Variants in RBFOX1 observed in about 807,000 individuals in gnomAD.
RBFOX1 encodes the protein RNA binding fox-1 homolog 1, also known as RNA binding protein fox-1 homolog 1.
In RBFOX1, 8 loss-of-function variants were observed where a neutral mutation model predicts 57.7. The ratio of observed to expected loss-of-function variants is 0.14; its 90% CI spans 0.08 to 0.25. The LOEUF (loss-of-function observed/expected upper bound fraction) is 0.25. Ranked by LOEUF, RBFOX1 falls within the 10% of genes least tolerant of loss-of-function variation. The pLI is 1.00. For missense variants in RBFOX1, 611 were observed against 548.5 expected, an observed-to-expected ratio of 1.11 and a Z score of -1.14; for synonymous variants, 326 against 222.4, an observed-to-expected ratio of 1.47 and a Z score of -4.15.
intron 3 of RBFOX1, among the ~76,000 whole-genome samples, chr16:6,817,016 G>C (rs1015989964): frequency 6.6e-6 from 1 of 152,108 alleles, no homozygotes; most frequent in Non-Finnish European, 1.5e-5. Flanking sequence ...CCAAAGTGCT[G>C]AGATGGCAGG....
chr16:6,532,833 A>G (rs1212951574), intron 2 of RBFOX1, among the ~76,000 whole-genome samples: 2 of 152,156 alleles, frequency 1.3e-5, no homozygotes, highest in Non-Finnish European at 2.9e-5. Context: ...GGAATGTGAG[A>G]AGGCAAAGAT....
intron 2 of RBFOX1, among the ~76,000 whole-genome samples, chr16:6,570,534 A>G (rs899414034): frequency 2.0e-5 from 3 of 152,222 alleles, no homozygotes; most frequent in Admixed American, 6.5e-5. Context: ...CATATAAAAT[A>G]TAATTTATAC....
At chr16:6,636,987 TC>T (rs2098442087) in intron 2 of RBFOX1, among the ~76,000 whole-genome samples, 1 of 126,552 alleles carries the variant, frequency 7.9e-6, no homozygotes, top group Non-Finnish European at 1.6e-5. Context: ...TGTATATGTA[TC>T]ATTATGTATA....
chr16:7,414,283 C>G (rs571127396), intron 4 of RBFOX1, among the ~76,000 whole-genome samples: 277 of 152,290 alleles, frequency 1.8e-3, no homozygotes, highest in African/African-American at 6.4e-3. Context: ...CTGCCTTACA[C>G]AAGGAACTCT....
chr16:6,874,434 C>G (rs771209538), intron 3 of RBFOX1, among the ~76,000 whole-genome samples: 1 of 142,794 alleles, frequency 7.0e-6, no homozygotes, highest in Admixed American at 7.5e-5. Context: ...TGCTTGAATC[C>G]AGGAGATGGA....
intron 3 of RBFOX1, among the ~76,000 whole-genome samples, chr16:6,954,027 C>T (rs1415999350): frequency 6.6e-6 from 1 of 152,054 alleles, no homozygotes; most frequent in Non-Finnish European, 1.5e-5. Flanking sequence ...TTGAGCCAGG[C>T]GCATATACCC....
At chr16:6,873,064 C>T (rs772784886) in intron 3 of RBFOX1, among the ~76,000 whole-genome samples, 2 of 151,820 alleles carry the variant, frequency 1.3e-5, no homozygotes, top group African/African-American at 4.8e-5. Context: ...CTATGCAAAG[C>T]CACCCAAACT....
intron 10 of RBFOX1, among the ~76,000 whole-genome samples, chr16:7,627,769 T>C (rs1260054565): frequency 6.6e-6 from 1 of 152,188 alleles, no homozygotes; most frequent in Non-Finnish European, 1.5e-5. Context: ...AAAGCGTCCT[T>C]TTAAGAAAAG....
chr16:6,585,895 C>A (rs116178981), intron 2 of RBFOX1, among the ~76,000 whole-genome samples: 56 of 152,164 alleles, frequency 3.7e-4, no homozygotes, highest in African/African-American at 1.3e-3. Flanking sequence ...GTAGAAGTAT[C>A]ATGTAGTAGA....
intron 4 of RBFOX1, among the ~76,000 whole-genome samples, chr16:7,264,032 C>T (rs1050150229): frequency 6.6e-6 from 1 of 151,900 alleles, no homozygotes; most frequent in African/African-American, 2.4e-5. Flanking sequence ...CAAACCAACA[C>T]CCTTCAAGCT....
chr16:5,751,805 G>A (rs1205067179), intron 3 of RBFOX1, among the ~76,000 whole-genome samples: 1 of 152,144 alleles, frequency 6.6e-6, no homozygotes, highest in Non-Finnish European at 1.5e-5. Context: ...CATTTTAATG[G>A]TTTTTTATTC....
chr16:6,793,370 T>G (rs2083337968), intron 3 of RBFOX1, among the ~76,000 whole-genome samples: 1 of 152,182 alleles, frequency 6.6e-6, no homozygotes, highest in South Asian at 2.1e-4. Flanking sequence ...CCATTGAGAT[T>G]GATTGGACTC....
intron 4 of RBFOX1, among the ~76,000 whole-genome samples, chr16:7,258,163 T>C (rs1287964903): frequency 1.3e-5 from 2 of 152,218 alleles, no homozygotes; most frequent in Non-Finnish European, 2.9e-5. Context: ...TATTTTATTC[T>C]GGAGAGCTTT....
At chr16:6,508,771 A>G (rs771266991) in intron 2 of RBFOX1, among the ~76,000 whole-genome samples, 4 of 152,116 alleles carry the variant, frequency 2.6e-5, no homozygotes, top group Admixed American at 6.5e-5. Context: ...AAGGCTCTGT[A>G]TTAAATTTAG....
intron 1 of RBFOX1, among the ~76,000 whole-genome samples, chr16:6,031,961 T>G (rs1192959266): frequency 6.6e-6 from 1 of 152,198 alleles, no homozygotes; most frequent in Non-Finnish European, 1.5e-5. Flanking sequence ...TTCACTGTAG[T>G]CCACCCCTGA....
At chr16:6,829,493 A>C (rs555669660) in intron 3 of RBFOX1, among the ~76,000 whole-genome samples, 2 of 151,222 alleles carry the variant, frequency 1.3e-5, no homozygotes, top group Non-Finnish European at 2.9e-5. Flanking sequence ...AAAAAAAAAA[A>C]AACAAAAAAA....
chr16:5,400,376 AG>A, intron 1 of RBFOX1, among the ~76,000 whole-genome samples: 1 of 151,532 alleles, frequency 6.6e-6, no homozygotes, highest in East Asian at 1.9e-4. Context: ...TACAGGCGTG[AG>A]CCACCACACC....
At chr16:6,829,824 A>G (rs1396501301) in intron 3 of RBFOX1, among the ~76,000 whole-genome samples, 1 of 152,158 alleles carries the variant, frequency 6.6e-6, no homozygotes, top group Non-Finnish European at 1.5e-5. Context: ...CTGGTATCGA[A>G]TTCTTGACCT....
chr16:7,698,336 A>T (rs1024129019), intron 14 of RBFOX1, among the ~76,000 whole-genome samples: 2 of 151,948 alleles, frequency 1.3e-5, no homozygotes, highest in South Asian at 2.1e-4. Context: ...TCAGTTCCTG[A>T]TGAGTATGGG....
Sources: allele counts gnomAD v4.1 joint callset (sites outside exome capture counted in the v4.1 genomes callset), GRCh38; gene constraint gnomAD v4.1.1; transcripts MANE v1.5; gene names NCBI Gene and HGNC (gene_info 2026-07-23, HGNC 2026-07-21).